EYS: variants seen among roughly 807,000 people sequenced by gnomAD.
EYS encodes the protein EGF-like photoreceptor maintenance factor, also known as protein eyes shut homolog.
Under a neutral mutation model 282.1 loss-of-function variants are expected in EYS, and 250 were observed. That is an observed-to-expected ratio of 0.89 (90% CI 0.80 to 0.98). The LOEUF (loss-of-function observed/expected upper bound fraction) is 0.98. Among genes scored for constraint, EYS ranks in the 50% least tolerant of loss-of-function variants. The pLI, the probability that EYS is intolerant of heterozygous loss-of-function variation, is 0.00. For synonymous variants in EYS, 1,355 were observed against 1,282.9 expected (o/e 1.06, Z -1.20); for missense variants, 4,016 against 3,709.0 (o/e 1.08, Z -2.15).
At chr6:64,336,645 C>T (rs1405728901) in intron 29 of EYS, among the ~76,000 whole-genome samples, 1 of 152,052 alleles carries the variant, frequency 6.6e-6, no homozygotes, top group Non-Finnish European at 1.5e-5. Context: ...ATATACAGAA[C>T]ATTTTATTCA....
chr6:64,248,917 A>G (rs540476195), intron 30 of EYS, among the ~76,000 whole-genome samples: 2 of 151,928 alleles, frequency 1.3e-5, no homozygotes, highest in South Asian at 2.1e-4. Flanking sequence ...TTAGCCAGGC[A>G]TGGTGGTGCA....
At chr6:64,309,822 G>A (rs1023399908) in intron 29 of EYS, among the ~76,000 whole-genome samples, 3 of 151,852 alleles carry the variant, frequency 2.0e-5, no homozygotes, top group Non-Finnish European at 4.4e-5. Context: ...AAACTTAGCT[G>A]GGCATGGTGG....
intron 40 of EYS, among the ~76,000 whole-genome samples, chr6:63,774,798 C>A (rs904783050): frequency 6.6e-6 from 1 of 150,908 alleles, no homozygotes; most frequent in Non-Finnish European, 1.5e-5. Flanking sequence ...TTAAGCTAGA[C>A]ATGGTGGAAG....
At chr6:63,798,040 C>T (rs543528375) in intron 37 of EYS, 1 of 152,222 alleles carries the variant, frequency 6.6e-6, no homozygotes, top group African/African-American at 2.4e-5. Context: ...TGTGGGTAAA[C>T]TTAAATTTCC....
intron 16 of EYS, among the ~76,000 whole-genome samples, chr6:64,904,388 C>A (rs1020616350): frequency 1.3e-5 from 2 of 152,152 alleles, no homozygotes. Context: ...GTTATTATGG[C>A]TCTCCTCATT....
At chr6:65,112,144 T>C (rs980385469) in intron 12 of EYS, among the ~76,000 whole-genome samples, 5 of 152,296 alleles carry the variant, frequency 3.3e-5, no homozygotes, top group Non-Finnish European at 4.4e-5. Context: ...GTGTTATTCT[T>C]GGCATTTTAT....
chr6:64,223,788 A>G (rs1198646681), intron 31 of EYS, among the ~76,000 whole-genome samples: 1 of 152,080 alleles, frequency 6.6e-6, no homozygotes, highest in Non-Finnish European at 1.5e-5. Context: ...ATAGGAATGC[A>G]TGCAATGAAG....
chr6:63,843,927 T>C (rs1285716976), intron 36 of EYS, among the ~76,000 whole-genome samples: 1 of 152,174 alleles, frequency 6.6e-6, no homozygotes, highest in Non-Finnish European at 1.5e-5. Context: ...CATGCCATGG[T>C]GGTTTGCTGC....
chr6:65,626,235 C>A (rs1766685106), intron 2 of EYS, among the ~76,000 whole-genome samples: 1 of 152,080 alleles, frequency 6.6e-6, no homozygotes, highest in Admixed American at 6.5e-5. Context: ...TTATTTGGTT[C>A]TTGTATTTGT....
At chr6:65,166,882 G>T (rs1764986106) in intron 12 of EYS, among the ~76,000 whole-genome samples, 1 of 151,128 alleles carries the variant, frequency 6.6e-6, no homozygotes, top group African/African-American at 2.4e-5. Context: ...CAAGGAATTT[G>T]AAGATACAGT....
intron 12 of EYS, among the ~76,000 whole-genome samples, chr6:65,179,111 A>C (rs536031959): frequency 2.6e-5 from 4 of 152,266 alleles, no homozygotes; most frequent in Admixed American, 2.6e-4. Context: ...AGAAAGCAGG[A>C]AAGATCTAAA....
chr6:65,113,587 A>T (rs1775282472), intron 12 of EYS, among the ~76,000 whole-genome samples: 1 of 152,058 alleles, frequency 6.6e-6, no homozygotes, highest in Non-Finnish European at 1.5e-5. Context: ...TAATTTTTGA[A>T]CAAGAATATA....
At chr6:65,480,127 T>C (rs1398787710) in intron 5 of EYS, among the ~76,000 whole-genome samples, 1 of 152,082 alleles carries the variant, frequency 6.6e-6, no homozygotes, top group Admixed American at 6.6e-5. Flanking sequence ...ATCGCACCAC[T>C]GCACTCCAGC....
At chr6:64,630,944 G>A (rs987769990) in intron 22 of EYS, among the ~76,000 whole-genome samples, 11 of 152,214 alleles carry the variant, frequency 7.2e-5, no homozygotes, top group South Asian at 2.1e-4. Flanking sequence ...TATCCCATAC[G>A]TATTTATTCA....
chr6:64,450,651 A>G (rs1775296402), intron 26 of EYS, among the ~76,000 whole-genome samples: 1 of 152,160 alleles, frequency 6.6e-6, no homozygotes. Context: ...AATGATAACA[A>G]ACTCTCTCTC....
intron 31 of EYS, among the ~76,000 whole-genome samples, chr6:64,112,784 A>G (rs912539532): frequency 1.1e-4 from 16 of 149,458 alleles, no homozygotes; most frequent in African/African-American, 3.9e-4. Context: ...AGAATAATAT[A>G]TATCTATAAT....
rs541999662 is a variant in EYS at position 64,834,269 on chromosome 6, A to G, written c.2993-11447T>C. On this transcript the variant is annotated intron_variant, in intron 19 of 42. Coordinates refer to ENST00000503581, the MANE Select transcript of EYS (RefSeq NM_001142800.2). The stretch of plus-strand genomic sequence containing the variant: ...TTAAAAAAAGCTCATGATTACAAAT[A>G]TAAAATAAGGCACAATATGTTAGCA... 4.4e-3 allele frequency among the ~76,000 whole-genome samples: 673 copies of G among 152,026 alleles called. 2 individuals carry two copies. The highest frequency in any genetic ancestry group is 6.8e-3 in the Middle Eastern group (2 of 294).
At chr6:64,555,497 G>T (rs1040761985) in intron 26 of EYS, among the ~76,000 whole-genome samples, 2 of 151,752 alleles carry the variant, frequency 1.3e-5, no homozygotes, top group Non-Finnish European at 2.9e-5. Flanking sequence ...TATTTTGAGT[G>T]TTATTACCAC....
chr6:64,017,825 A>G (rs769543222), intron 33 of EYS, among the ~76,000 whole-genome samples: 1 of 152,204 alleles, frequency 6.6e-6, no homozygotes, highest in East Asian at 1.9e-4. Flanking sequence ...CTAGCTGTCT[A>G]TGTTCGGGCA....
Sources: allele counts gnomAD v4.1 joint callset (sites outside exome capture counted in the v4.1 genomes callset), GRCh38; gene constraint gnomAD v4.1.1; transcripts MANE v1.5; gene names NCBI Gene and HGNC (gene_info 2026-07-23, HGNC 2026-07-21).